The following GLYAT variants were observed in gnomAD, a reference collection of about 807,000 sequenced individuals.
GLYAT encodes glycine-N-acyltransferase, also known as glycine N-acyltransferase.
Under a neutral mutation model 22.8 loss-of-function variants are expected in GLYAT, and 25 were observed. The ratio of observed to expected loss-of-function variants is 1.09; its 90% confidence interval spans 0.80 to 1.53. GLYAT has a LOEUF of 1.53. Among genes scored for constraint, GLYAT ranks in the 40% most tolerant of loss-of-function variants. The probability of loss-of-function intolerance (pLI) is 0.00; values close to 1 mark genes in which losing one functional copy is unlikely to be tolerated. For synonymous variants in GLYAT, 140 were observed against 122.7 expected (o/e 1.14, Z -0.93); for missense variants, 411 against 353.9 (o/e 1.16, Z -1.29).
chr11:58,724,679 C>G (rs111955177), intron 1 of GLYAT, among the ~76,000 whole-genome samples, 168 bp from the exon 2 acceptor site: 2,091 of 152,056 alleles, frequency 0.014, 21 homozygotes, highest in South Asian at 0.045. Flanking sequence ...ACACAAGGAG[C>G]TTTCTCTGAG....
chr11:58,728,856 A>AAG (rs1856837599), intron 1 of GLYAT: 1 of 83,060 alleles, frequency 1.2e-5, no homozygotes. Context: ...AGAAAGAAGA[A>AAG]AGAAAGAAAG....
At chr11:58,716,342 A>G (rs1320725273) in intron 2 of GLYAT, among the ~76,000 whole-genome samples, 1 of 151,642 alleles carries the variant, frequency 6.6e-6, no homozygotes, top group Non-Finnish European at 1.5e-5. Context: ...GCTTTCCATC[A>G]AGGATAGATG....
intron 1 of GLYAT, among the ~76,000 whole-genome samples, chr11:58,728,045 C>T (rs1353798441): frequency 7.0e-6 from 1 of 143,624 alleles, no homozygotes; most frequent in African/African-American, 2.6e-5. Flanking sequence ...TTCCTTCTTG[C>T]TCTAAAGCTT....
At chr11:58,726,457 G>A (rs1031551826) in intron 1 of GLYAT, among the ~76,000 whole-genome samples, 1 of 152,030 alleles carries the variant, frequency 6.6e-6, no homozygotes, top group African/African-American at 2.4e-5. Flanking sequence ...CTCACTGATG[G>A]GCAGCCTAGG....
chr11:58,731,687 T>C (rs950714845), intron 1 of GLYAT, 148 bp downstream of exon 1: 5 of 152,198 alleles, frequency 3.3e-5, no homozygotes, highest in Admixed American at 6.5e-5. Flanking sequence ...TTTTTGTCGT[T>C]GTTTTTATGT....
chr11:58,710,559 A>G (rs752850030), intron 5 of GLYAT, 31 bp downstream of exon 5: 2 of 1,503,200 alleles, frequency 1.3e-6, no homozygotes, highest in South Asian at 1.1e-5. Context: ...GAGAGGTGTG[A>G]GTGGTATAGA....
intron 3 of GLYAT, among the ~76,000 whole-genome samples, chr11:58,714,619 G>A (rs1856656970): frequency 3.3e-5 from 5 of 152,038 alleles, no homozygotes; most frequent in South Asian, 4.1e-4. Flanking sequence ...GAATCATTGG[G>A]GTGGTTTCCC....
At chr11:58,717,384 T>C (rs1415427616) in intron 2 of GLYAT, among the ~76,000 whole-genome samples, 1 of 152,012 alleles carries the variant, frequency 6.6e-6, no homozygotes, top group African/African-American at 2.4e-5. Context: ...AAAATAGATA[T>C]AGGCCACATT....
chr11:58,721,546 C>T (rs1856750271), intron 2 of GLYAT, among the ~76,000 whole-genome samples: 1 of 151,920 alleles, frequency 6.6e-6, no homozygotes, highest in Non-Finnish European at 1.5e-5. Context: ...AAAATAAAAA[C>T]ATGAAGGCCT....
chr11:58,720,116 C>T (rs1211669480), intron 2 of GLYAT, among the ~76,000 whole-genome samples: 1 of 151,554 alleles, frequency 6.6e-6, no homozygotes, highest in Non-Finnish European at 1.5e-5. Flanking sequence ...AGTCCTAGTC[C>T]CTTTTACCTT....
intron 2 of GLYAT, among the ~76,000 whole-genome samples, chr11:58,717,553 G>GA (rs970726042): frequency 1.8e-4 from 27 of 146,890 alleles, no homozygotes; most frequent in South Asian, 4.3e-4. Context: ...TAGGAAAAAT[G>GA]AAAAAAAAAG....
rs114578392 is a variant in GLYAT at position 58,728,959 on chromosome 11, A to T, written c.-16+2876T>A. Among the ~76,000 whole-genome samples, 1,308 of 151,630 alleles carry T rather than the reference A, an allele frequency of 8.6e-3. 20 individuals are homozygous for T. Among genetic ancestry groups the T allele is most frequent in the African/African-American group, 0.03 (1,241 of 41,288 alleles). On this transcript the variant is annotated intron_variant, in intron 1 of 5. Coordinates refer to ENST00000344743, the MANE Select transcript of GLYAT (RefSeq NM_201648.3). ...GAAGGAAGGAAGGAGAGAATAAAAGAAAAGAAAGGAAGGAAGGAAGAAAGG... is the reference window on the plus strand; with the variant it reads ...GAAGGAAGGAAGGAGAGAATAAAAGTAAAGAAAGGAAGGAAGGAAGAAAGG...
chr11:58,710,062 G>T lies in GLYAT; in HGVS notation c.595C>A (p.Arg199Ser), dbSNP rs138125182. 2 of 1,613,916 alleles carry T rather than the reference G, an allele frequency of 1.2e-6. No homozygotes were observed. Among genetic ancestry groups the T allele is most frequent in the South Asian group, 2.2e-5 (2 of 91,084 alleles). Reference protein sequence around the residue: ...GNERSQRFIERCIQTFPTCCL... With the variant: ...GNERSQRFIESCIQTFPTCCL... ...CAGGTGGGAAAGGTCTGAATGCAGC[G>T]CTCAATGAATCTCTGGCTCCTCTCA... is the stretch of plus-strand genomic sequence containing the variant. The change falls in exon 6 of 6, where the codon CGC becomes AGC. Residue 199 changes from arginine (R) to serine (S), a missense_variant. Physicochemically the swap from Arg to Ser is moderately radical, Grantham distance 110. Coordinates refer to ENST00000344743, the MANE Select transcript of GLYAT (RefSeq NM_201648.3).
chr11:58,711,323 G>T (rs59044967), intron 4 of GLYAT, among the ~76,000 whole-genome samples: 44 of 152,292 alleles, frequency 2.9e-4, no homozygotes, highest in African/African-American at 1.0e-3. Flanking sequence ...CAACAGTAGG[G>T]TGGACATGTC....
chr11:58,723,805 T>A (rs1001790169), intron 2 of GLYAT, among the ~76,000 whole-genome samples: 4 of 151,658 alleles, frequency 2.6e-5, no homozygotes, highest in Non-Finnish European at 5.9e-5. Context: ...ATATATATAT[T>A]TATATTTGTT....
chr11:58,724,182 T>G (rs1590673365), intron 2 of GLYAT: 7 of 425,324 alleles, frequency 1.6e-5, no homozygotes, highest in Non-Finnish European at 2.9e-5. Flanking sequence ...ATCATAGCAT[T>G]GCAACTCAGT....
intron 1 of GLYAT, among the ~76,000 whole-genome samples, chr11:58,728,498 A>G (rs1185286461): frequency 6.6e-6 from 1 of 152,158 alleles, no homozygotes; most frequent in Non-Finnish European, 1.5e-5. Context: ...CACTACCAGT[A>G]ATATTGCTTC....
chr11:58,719,433 T>C (rs1051094276), intron 2 of GLYAT, among the ~76,000 whole-genome samples: 1 of 152,016 alleles, frequency 6.6e-6, no homozygotes, highest in African/African-American at 2.4e-5. Flanking sequence ...CAAGAGAGCC[T>C]TGTTAATCTG....
intron 3 of GLYAT, among the ~76,000 whole-genome samples, chr11:58,715,063 C>T (rs943942899): frequency 6.6e-6 from 1 of 152,030 alleles, no homozygotes; most frequent in Non-Finnish European, 1.5e-5. Context: ...GGTAGCCCCA[C>T]CTTTGACTTC....
Sources: allele counts gnomAD v4.1 joint callset (sites outside exome capture counted in the v4.1 genomes callset), GRCh38; gene constraint gnomAD v4.1.1; transcripts MANE v1.5; gene names NCBI Gene and HGNC (gene_info 2026-07-23, HGNC 2026-07-21).